KCNQ3: variants seen among roughly 807,000 people sequenced by gnomAD.
The protein encoded by KCNQ3 is potassium voltage-gated channel subfamily Q member 3.
Under a neutral mutation model 92.5 loss-of-function variants are expected in KCNQ3, and 30 were observed. The observed-to-expected ratio is 0.32, with a 90% CI of 0.24 to 0.44. The LOEUF (loss-of-function observed/expected upper bound fraction) is 0.44. Among genes scored for constraint, KCNQ3 ranks in the 20% least tolerant of loss-of-function variants. The pLI is 1.00. For synonymous variants in KCNQ3, 450 were observed against 468.8 expected (o/e 0.96, Z 0.52); for missense variants, 913 against 1,140.3 (o/e 0.80, Z 2.87).
chr8:132,423,829 A>G (rs1821035337), intron 1 of KCNQ3, among the ~76,000 whole-genome samples: 1 of 152,158 alleles, frequency 6.6e-6, no homozygotes, highest in African/African-American at 2.4e-5. Flanking sequence ...CCCACCATAC[A>G]GTATGGAGAC....
intron 1 of KCNQ3, among the ~76,000 whole-genome samples, chr8:132,400,558 C>A (rs1320943114): frequency 6.6e-6 from 1 of 152,248 alleles, no homozygotes; most frequent in Non-Finnish European, 1.5e-5. Flanking sequence ...GGTCCCTGCA[C>A]ACACAACGAC....
chr8:132,247,183 G>T (rs1326892106), intron 1 of KCNQ3, among the ~76,000 whole-genome samples: 2 of 152,168 alleles, frequency 1.3e-5, no homozygotes, highest in Non-Finnish European at 2.9e-5. Flanking sequence ...CTTCCAGAGA[G>T]CCTACTTTCT....
At chr8:132,246,581 TTC>T (rs1442661036) in intron 1 of KCNQ3, among the ~76,000 whole-genome samples, 4 of 152,238 alleles carry the variant, frequency 2.6e-5, no homozygotes, top group African/African-American at 4.8e-5. Flanking sequence ...TGTTCATTTG[TTC>T]TCTCTCTCCA....
At chr8:132,318,529 A>C (rs2130629454) in intron 1 of KCNQ3, among the ~76,000 whole-genome samples, 1 of 152,316 alleles carries the variant, frequency 6.6e-6, no homozygotes, top group Admixed American at 6.5e-5. Flanking sequence ...CTTGTCATGC[A>C]GTTACTAGTT....
chr8:132,164,341 G>GT lies in KCNQ3; in HGVS notation c.1236-848dup, dbSNP rs72007031. On this transcript the variant is annotated intron_variant, in intron 8 of 14. Transcript: ENST00000388996. The stretch of plus-strand genomic sequence containing the variant: ...TTGTAGTAGAATTACATGTAGTCTC[G>GT]TTTTTTTTTTTTCTTGTCTAAAATA... Among the ~76,000 whole-genome samples the GT allele has an allele frequency of 4.6e-3, 666 of 144,622 alleles. 8 individuals carry two copies. Among genetic ancestry groups the GT allele is most frequent in the East Asian group, 0.016 (80 of 5,044 alleles). 94.9% of individuals were successfully genotyped at this position (144,622 alleles called of 152,430 possible).
chr8:132,370,347 C>A (rs1586963114), intron 1 of KCNQ3, among the ~76,000 whole-genome samples: 1 of 152,332 alleles, frequency 6.6e-6, no homozygotes, highest in East Asian at 1.9e-4. Context: ...ATTGAAACTT[C>A]TTGCAGAAAG....
chr8:132,157,766 C>T (rs767676274), intron 9 of KCNQ3, among the ~76,000 whole-genome samples: 1 of 151,796 alleles, frequency 6.6e-6, no homozygotes, highest in South Asian at 2.1e-4. Flanking sequence ...ACCTATCAAC[C>T]CATCATCTAC....
chr8:132,400,965 C>CTG (rs1820316336), intron 1 of KCNQ3, among the ~76,000 whole-genome samples: 1 of 152,216 alleles, frequency 6.6e-6, no homozygotes, highest in African/African-American at 2.4e-5. Flanking sequence ...TCTGTTAATT[C>CTG]CCCTAGCCTT....
intron 1 of KCNQ3, among the ~76,000 whole-genome samples, chr8:132,468,021 A>G (rs1822214143): frequency 6.6e-6 from 1 of 152,188 alleles, no homozygotes; most frequent in South Asian, 2.1e-4. Flanking sequence ...CAGCTCCAAC[A>G]GCCTCTGATT....
chr8:132,422,856 G>A (rs918764479), intron 1 of KCNQ3, among the ~76,000 whole-genome samples: 2 of 152,196 alleles, frequency 1.3e-5, no homozygotes, highest in African/African-American at 2.4e-5. Flanking sequence ...GACAGTGGAG[G>A]GAGAGAGGGG....
At chr8:132,131,510 G>A (rs1483506257) in intron 14 of KCNQ3, among the ~76,000 whole-genome samples, 3 of 152,290 alleles carry the variant, frequency 2.0e-5, no homozygotes, top group Admixed American at 2.0e-4. Context: ...ACAACATGCA[G>A]TGGCAGGTCA....
At chr8:132,415,890 C>A (rs1170404195) in intron 1 of KCNQ3, among the ~76,000 whole-genome samples, 1 of 152,188 alleles carries the variant, frequency 6.6e-6, no homozygotes, top group Non-Finnish European at 1.5e-5. Flanking sequence ...TGGCAATAAT[C>A]ATGAACAAAA....
intron 1 of KCNQ3, among the ~76,000 whole-genome samples, chr8:132,397,083 A>T (rs185480344): frequency 4.7e-4 from 71 of 152,194 alleles, no homozygotes; most frequent in African/African-American, 1.6e-3. Flanking sequence ...ATTTTTCATT[A>T]AAAAACACCC....
intron 1 of KCNQ3, among the ~76,000 whole-genome samples, chr8:132,444,831 T>C (rs1326033128): frequency 1.3e-5 from 2 of 152,210 alleles, no homozygotes; most frequent in African/African-American, 4.8e-5. Flanking sequence ...AGCCTGTTCC[T>C]TTTATATAAA....
intron 1 of KCNQ3, among the ~76,000 whole-genome samples, chr8:132,288,211 T>C (rs922470513): frequency 6.6e-6 from 1 of 152,224 alleles, no homozygotes; most frequent in Non-Finnish European, 1.5e-5. Flanking sequence ...TGGTTTTTAA[T>C]ACATATTGCA....
chr8:132,346,567 C>A (rs1157858648), intron 1 of KCNQ3, among the ~76,000 whole-genome samples: 1 of 152,190 alleles, frequency 6.6e-6, no homozygotes, highest in Non-Finnish European at 1.5e-5. Context: ...CATTTCTTTG[C>A]CCTCTTCTGC....
intron 1 of KCNQ3, among the ~76,000 whole-genome samples, chr8:132,399,845 C>T (rs1820289809): frequency 6.6e-6 from 1 of 152,182 alleles, no homozygotes; most frequent in Non-Finnish European, 1.5e-5. Context: ...AACGGAAACA[C>T]TAGGCACTTG....
At chr8:132,437,748 G>A (rs1372288877) in intron 1 of KCNQ3, among the ~76,000 whole-genome samples, 1 of 152,138 alleles carries the variant, frequency 6.6e-6, no homozygotes, top group African/African-American at 2.4e-5. Context: ...AGCCATCCGT[G>A]ATGCTGTCAC....
At chr8:132,154,223 T>TTTTTTTTTTTTTTTTTTTG (rs1825737377) in intron 9 of KCNQ3, among the ~76,000 whole-genome samples, 1 of 131,882 alleles carries the variant, frequency 7.6e-6, no homozygotes, top group East Asian at 2.2e-4. Flanking sequence ...TTTTTTTTTT[T>TTTTTTTTTTTTTTTTTTTG]AGCCAATCAG....
Sources: allele counts gnomAD v4.1 joint callset (sites outside exome capture counted in the v4.1 genomes callset), GRCh38; gene constraint gnomAD v4.1.1; transcripts MANE v1.5; gene names NCBI Gene and HGNC (gene_info 2026-07-23, HGNC 2026-07-21).